Variants in UST observed in about 807,000 individuals in gnomAD.
The protein encoded by UST is uronyl 2-sulfotransferase.
In UST, 21 loss-of-function variants were observed where a neutral mutation model predicts 45.6. The observed-to-expected ratio is 0.46, with a 90% CI of 0.33 to 0.66. The LOEUF (loss-of-function observed/expected upper bound fraction) is 0.66, where lower values mean the gene tolerates loss of function less well. Ranked by LOEUF, UST falls within the 30% of genes least tolerant of loss-of-function variation. UST has a pLI of 0.02. For synonymous variants in UST, 215 were observed against 200.6 expected, an observed-to-expected ratio of 1.07 and a Z score of -0.61; for missense variants, 463 against 512.4, an observed-to-expected ratio of 0.90 and a Z score of 0.93.
chr6:148,812,230 A>G (rs988994162), intron 1 of UST, among the ~76,000 whole-genome samples: 1 of 152,236 alleles, frequency 6.6e-6, no homozygotes, highest in South Asian at 2.1e-4. Context: ...TTTTCAAGCC[A>G]TTTTGTACAC....
rs558293057 is a variant in UST, at chr6:148,769,882, T to A, written c.247+22205T>A. Among the ~76,000 whole-genome samples the A allele has an allele frequency of 1.1e-3, 161 of 152,156 alleles. 1 individual carries two copies. The highest frequency in any genetic ancestry group is 2.7e-3 in the Admixed American group (41 of 15,274). Reference sequence around the variant, plus strand: ...TACTCTTTCTGTCACTTTTTTTTTTTTATAGGAAAAGACCTTCTAAGATTA... The same window carrying A: ...TACTCTTTCTGTCACTTTTTTTTTTATATAGGAAAAGACCTTCTAAGATTA... On this transcript the variant is annotated intron_variant, in intron 1 of 7. Transcript: ENST00000367463.
chr6:148,966,776 GC>G (rs1780810006), intron 5 of UST, among the ~76,000 whole-genome samples: 1 of 152,284 alleles, frequency 6.6e-6, no homozygotes, highest in Admixed American at 6.5e-5. Context: ...TTGCTCTGTT[GC>G]CCAGGCTGGA....
chr6:149,009,560 A>AACACACACAC (rs113280120), intron 5 of UST, among the ~76,000 whole-genome samples: 24,200 of 142,968 alleles, frequency 0.17, 2,084 homozygotes, highest in Non-Finnish European at 0.21. Flanking sequence ...CTGATGTTAA[A>AACACACACAC]ACACACACAC....
intron 7 of UST, among the ~76,000 whole-genome samples, chr6:149,022,366 G>A (rs775702269): frequency 8.5e-5 from 13 of 152,260 alleles, no homozygotes; most frequent in African/African-American, 1.7e-4. Flanking sequence ...TTGGGAGGCC[G>A]AGGCAGGTGG....
chr6:148,788,774 A>G (rs1012497142), intron 1 of UST, among the ~76,000 whole-genome samples: 2 of 152,228 alleles, frequency 1.3e-5, no homozygotes. Flanking sequence ...TTACTCCTTT[A>G]TTACAAATGT....
intron 1 of UST, among the ~76,000 whole-genome samples, chr6:148,794,826 G>A (rs1776917954): frequency 6.6e-6 from 1 of 152,268 alleles, no homozygotes; most frequent in Non-Finnish European, 1.5e-5. Context: ...GTGGAAGTTG[G>A]GGAACTTATT....
intron 5 of UST, among the ~76,000 whole-genome samples, chr6:148,980,231 T>G (rs911553809): frequency 6.6e-6 from 1 of 152,140 alleles, no homozygotes; most frequent in African/African-American, 2.4e-5. Context: ...TCCTGATTTT[T>G]TAAAAAGAGT....
At chr6:148,965,876 C>CTTTTTTTT (rs56202168) in intron 5 of UST, among the ~76,000 whole-genome samples, 4 of 126,236 alleles carry the variant, frequency 3.2e-5, no homozygotes, top group African/African-American at 6.0e-5. Context: ...TGGCTTTTCC[C>CTTTTTTTT]TTTTTTTTTT....
rs138017911 is a variant in UST, at chr6:148,823,094, T to G, written c.248-63892T>G. ...CATCACCAGAGAGGTAGAGATAATTTCCTTTAGTTTTAGAAGAGGGACTTG... is the reference window on the plus strand; with the variant it reads ...CATCACCAGAGAGGTAGAGATAATTGCCTTTAGTTTTAGAAGAGGGACTTG... On this transcript the variant is annotated intron_variant, in intron 1 of 7. Transcript: ENST00000367463. Among the ~76,000 whole-genome samples the G allele has an allele frequency of 2.4e-3, 362 of 152,304 alleles. 1 individual carries two copies. The highest frequency in any genetic ancestry group is 6.8e-3 in the Middle Eastern group (2 of 294).
chr6:149,032,506 T>G (rs1042956378), intron 7 of UST: 1 of 154,118 alleles, frequency 6.5e-6, no homozygotes, highest in Admixed American at 6.5e-5. Context: ...CCCACCAGCA[T>G]GGACTCTCCT....
intron 4 of UST, among the ~76,000 whole-genome samples, chr6:148,960,791 T>C (rs1780641535): frequency 6.6e-6 from 1 of 152,238 alleles, no homozygotes; most frequent in South Asian, 2.1e-4. Flanking sequence ...TCTACTATAA[T>C]TGGAGTACAA....
intron 1 of UST, among the ~76,000 whole-genome samples, chr6:148,793,206 T>A (rs2114706382): frequency 6.6e-6 from 1 of 152,206 alleles, no homozygotes; most frequent in Admixed American, 6.6e-5. Context: ...GAAGAGATTA[T>A]GAGCAAGTAA....
intron 1 of UST, among the ~76,000 whole-genome samples, chr6:148,843,690 A>G (rs934752823): frequency 1.1e-4 from 16 of 152,238 alleles, no homozygotes; most frequent in African/African-American, 3.1e-4. Flanking sequence ...CTAAAACTAC[A>G]TCATCTCCCT....
intron 7 of UST, among the ~76,000 whole-genome samples, chr6:149,043,001 TTC>T (rs1180046937): frequency 2.1e-4 from 25 of 118,162 alleles, no homozygotes; most frequent in African/African-American, 9.5e-4. Context: ...CTTTCTTTCT[TTC>T]TTTCTTTCTT....
intron 5 of UST, among the ~76,000 whole-genome samples, chr6:148,988,045 C>T (rs1379603446): frequency 2.6e-5 from 4 of 151,816 alleles, no homozygotes; most frequent in Non-Finnish European, 5.9e-5. Context: ...GTGGGGAGCT[C>T]GTGTCTGTGA....
At chr6:148,945,948 G>T (rs910290454) in intron 3 of UST, among the ~76,000 whole-genome samples, 1 of 152,192 alleles carries the variant, frequency 6.6e-6, no homozygotes, top group African/African-American at 2.4e-5. Flanking sequence ...ACCTTGAAGA[G>T]TTATATAAAG....
chr6:149,025,129 G>T (rs1776032263), intron 7 of UST, among the ~76,000 whole-genome samples: 1 of 152,188 alleles, frequency 6.6e-6, no homozygotes, highest in Non-Finnish European at 1.5e-5. Context: ...AGATTGAAAT[G>T]ATATTCATTG....
In UST at chr6:148,770,546, CCA is replaced by C. The variant is rs572885170; in HGVS notation, c.247+22872_247+22873del. Among the ~76,000 whole-genome samples the C allele has an allele frequency of 5.5e-4, 83 of 152,136 alleles. No homozygotes were observed. In the South Asian group the frequency reaches 7.3e-3, roughly 13 times the overall value. ...TGAGAAGCCACCGAACATTTTTAGA[CCA>C]CAGAGTGAGAGCAGATTTCTTATTC... is the stretch of plus-strand genomic sequence containing the variant. On this transcript the variant is annotated intron_variant, in intron 1 of 7. Coordinates refer to ENST00000367463, the MANE Select transcript of UST (RefSeq NM_005715.3).
In UST at chr6:148,976,949, T is replaced by G. The variant is rs9377183; in HGVS notation, c.681+12386T>G. ...AAGGATCTTATTAACTCTGAAACTA[T>G]AAAAAATATTCTCCATGGTGTCTTC... On this transcript the variant is annotated intron_variant, in intron 5 of 7. Coordinates refer to ENST00000367463, the MANE Select transcript of UST (RefSeq NM_005715.3). Among the ~76,000 whole-genome samples, 6 of 151,944 alleles carry G rather than the reference T, an allele frequency of 3.9e-5. No individual in the cohort carries two copies. The South Asian group carries it at 1.2e-3, about 31-fold the overall frequency.
Sources: allele counts gnomAD v4.1 joint callset (sites outside exome capture counted in the v4.1 genomes callset), GRCh38; gene constraint gnomAD v4.1.1; transcripts MANE v1.5; gene names NCBI Gene and HGNC (gene_info 2026-07-23, HGNC 2026-07-21).